The following PHF20 variants were observed in gnomAD, a reference collection of about 807,000 sequenced individuals.
PHF20 encodes the protein PHD finger protein 20, also known as glioma-expressed antigen 2.
A neutral mutation model predicts 113.5 loss-of-function variants in PHF20; 23 were observed. The ratio of observed to expected loss-of-function variants is 0.20; its 90% CI spans 0.15 to 0.29. The LOEUF (loss-of-function observed/expected upper bound fraction) is 0.29, where lower values mean the gene tolerates loss of function less well. Ranked by LOEUF, PHF20 falls within the 10% of genes least tolerant of loss-of-function variation. The pLI is 1.00. For missense variants in PHF20, 943 were observed against 1,219.6 expected (o/e 0.77, Z 3.38); for synonymous variants, 434 against 457.3 (o/e 0.95, Z 0.65).
intron 10 of PHF20, among the ~76,000 whole-genome samples, chr20:35,902,210 G>A (rs1472983639): frequency 6.6e-6 from 1 of 152,170 alleles, no homozygotes; most frequent in African/African-American, 2.4e-5. Context: ...CTGCAGCACT[G>A]TAGAAACAAC....
intron 1 of PHF20, among the ~76,000 whole-genome samples, chr20:35,793,148 T>C (rs987107689): frequency 6.6e-6 from 1 of 152,120 alleles, no homozygotes; most frequent in African/African-American, 2.4e-5. Context: ...CTCAACCTTC[T>C]AGGTTCAAGC....
chr20:35,947,534 G>A lies in PHF20; in HGVS notation c.2946G>A (p.Pro982=), dbSNP rs61339761. ...DYTGELEPPE[P]LARLPQLKHC... The stretch of plus-strand genomic sequence containing the variant: ...CTGGGGAACTGGAGCCCCCTGAGCC[G>A]CTGGCCAGGCTTCCGCAGCTCAAGC... The change falls in exon 18 of 18, where the codon CCG becomes CCA. Residue 982 remains proline (P), a synonymous_variant. Coordinates refer to ENST00000374012, the MANE Select transcript of PHF20 (RefSeq NM_016436.5). The A allele has an allele frequency of 6.6e-3, 10,683 of 1,613,916 alleles. 616 individuals are homozygous for A. In the African/African-American group the frequency reaches 0.12, roughly 19 times the overall value.
At chr20:35,821,422 C>T (rs1010615637) in intron 2 of PHF20, among the ~76,000 whole-genome samples, 10 of 140,978 alleles carry the variant, frequency 7.1e-5, no homozygotes, top group South Asian at 4.4e-4. Flanking sequence ...GCAACAAGAG[C>T]GAAACTCTGT....
chr20:35,861,048 C>A (rs1197988191), intron 5 of PHF20, among the ~76,000 whole-genome samples: 1 of 152,100 alleles, frequency 6.6e-6, no homozygotes, highest in Non-Finnish European at 1.5e-5. Context: ...AGGCCCAAGG[C>A]TCCTGGACTT....
intron 10 of PHF20, 63 bp from the exon 11 acceptor site, chr20:35,913,186 A>C (rs1301873929): frequency 2.2e-5 from 27 of 1,217,692 alleles, no homozygotes; most frequent in Non-Finnish European, 3.2e-5. Flanking sequence ...GCTTAGGAGA[A>C]GAATAAGCAC....
At chr20:35,780,355 A>T (rs956294949) in intron 1 of PHF20, among the ~76,000 whole-genome samples, 1 of 148,188 alleles carries the variant, frequency 6.7e-6, no homozygotes, top group Non-Finnish European at 1.5e-5. Context: ...CCTCCTGAGT[A>T]GCTGGGACTA....
chr20:35,912,942 C>A (rs1011281574), intron 10 of PHF20, among the ~76,000 whole-genome samples: 2 of 152,302 alleles, frequency 1.3e-5, no homozygotes, highest in South Asian at 4.1e-4. Flanking sequence ...TACTTTTCAA[C>A]CTTGGGGTTG....
At chr20:35,917,919 C>T (rs752524825) in intron 13 of PHF20, among the ~76,000 whole-genome samples, 3 of 152,098 alleles carry the variant, frequency 2.0e-5, no homozygotes, top group Non-Finnish European at 2.9e-5. Flanking sequence ...AGCTGGGACC[C>T]GCAAATGGGA....
intron 9 of PHF20, among the ~76,000 whole-genome samples, chr20:35,885,241 T>G (rs963299720): frequency 3.9e-5 from 6 of 152,180 alleles, no homozygotes; most frequent in Admixed American, 3.9e-4. Flanking sequence ...ACATCCTCTT[T>G]CATTCCCACA....
intron 13 of PHF20, among the ~76,000 whole-genome samples, chr20:35,926,265 T>A (rs2055631353): frequency 9.2e-6 from 1 of 109,094 alleles, no homozygotes; most frequent in African/African-American, 3.7e-5. Flanking sequence ...TGAGACGGAG[T>A]CTCGCTCTGT....
intron 12 of PHF20, among the ~76,000 whole-genome samples, chr20:35,915,050 T>TTA (rs535682761): frequency 0.063 from 9,171 of 145,640 alleles, 485 homozygotes; most frequent in African/African-American, 0.15. Context: ...GTAAAATGTT[T>TTA]TATATATATA....
At chr20:35,906,857 C>A (rs2055209806) in intron 10 of PHF20, among the ~76,000 whole-genome samples, 1 of 152,036 alleles carries the variant, frequency 6.6e-6, no homozygotes. Flanking sequence ...AAGAAGAATG[C>A]AGGGCTTGAG....
intron 3 of PHF20, 46 bp from the exon 4 acceptor site, chr20:35,847,304 A>G (rs745790649): frequency 1.5e-6 from 2 of 1,327,670 alleles, no homozygotes; most frequent in Non-Finnish European, 2.1e-6. Flanking sequence ...TGTCCTGTGA[A>G]ATTAGGTTGG....
Position 35,839,219 on chromosome 20 carries a change from T to C in PHF20, c.84-3354T>C, listed in dbSNP as rs1192216412. 3.3e-5 allele frequency among the ~76,000 whole-genome samples: 5 copies of C among 151,586 alleles called. No individual in the cohort carries two copies. In the East Asian group the frequency reaches 9.8e-4, roughly 30 times the overall value. On this transcript the variant is annotated intron_variant, in intron 2 of 17. Transcript: ENST00000374012. ...TCCTGGCTAACATGGTGAAACCTCG[T>C]GTCTACTAAAAATACAAAAAAATTA...
chr20:35,863,923 C>T (rs2054265597), intron 6 of PHF20, among the ~76,000 whole-genome samples: 1 of 151,960 alleles, frequency 6.6e-6, no homozygotes, highest in Non-Finnish European at 1.5e-5. Flanking sequence ...AATAAAAAGC[C>T]GAGATGGCTA....
intron 3 of PHF20, among the ~76,000 whole-genome samples, chr20:35,844,543 CCACA>C (rs61622083): frequency 0.099 from 11,590 of 117,556 alleles, 567 homozygotes; most frequent in South Asian, 0.19. Context: ...TTCACCATCA[CCACA>C]CACACACACA....
intron 1 of PHF20, among the ~76,000 whole-genome samples, chr20:35,793,191 T>G (rs954241234): frequency 1.1e-4 from 17 of 152,114 alleles, no homozygotes; most frequent in African/African-American, 4.1e-4. Context: ...CTGCCGGAGA[T>G]TCTTTGCCTG....
At chr20:35,916,823 G>A (rs1201786581) in intron 12 of PHF20, among the ~76,000 whole-genome samples, 1 of 152,132 alleles carries the variant, frequency 6.6e-6, no homozygotes, top group Non-Finnish European at 1.5e-5. Flanking sequence ...GTGCAGTGGT[G>A]TGATCATAGC....
intron 12 of PHF20, among the ~76,000 whole-genome samples, chr20:35,915,902 A>AG (rs2055394630): frequency 6.6e-6 from 1 of 152,140 alleles, no homozygotes; most frequent in African/African-American, 2.4e-5. Context: ...TGGGAGGCTG[A>AG]GGCGGGTGGA....
Sources: allele counts gnomAD v4.1 joint callset (sites outside exome capture counted in the v4.1 genomes callset), GRCh38; gene constraint gnomAD v4.1.1; transcripts MANE v1.5; gene names NCBI Gene and HGNC (gene_info 2026-07-23, HGNC 2026-07-21).